The following GALNTL6 variants were observed in gnomAD, a reference collection of about 807,000 sequenced individuals.
GALNTL6 encodes polypeptide N-acetylgalactosaminyltransferase-like 6.
Under a neutral mutation model 73.7 loss-of-function variants are expected in GALNTL6, and 46 were observed. That is an observed-to-expected ratio of 0.62 (90% CI 0.49 to 0.80). GALNTL6 has a LOEUF of 0.80. GALNTL6 is among the 30% of genes least tolerant of loss of function. The pLI, the probability that GALNTL6 is intolerant of heterozygous loss-of-function variation, is 0.00. For synonymous variants in GALNTL6, 259 were observed against 263.7 expected, an observed-to-expected ratio of 0.98 and a Z score of 0.17; for missense variants, 604 against 755.0, an observed-to-expected ratio of 0.80 and a Z score of 2.34.
intron 2 of GALNTL6, among the ~76,000 whole-genome samples, chr4:171,904,549 A>G (rs1737212490): frequency 1.3e-5 from 2 of 152,190 alleles, no homozygotes; most frequent in Admixed American, 1.3e-4. Context: ...GGGAGAATGG[A>G]ACCAAGTTGG....
At chr4:171,816,056 C>T (rs1734516702) in intron 2 of GALNTL6, 1 of 152,086 alleles carries the variant, frequency 6.6e-6, no homozygotes, top group Middle Eastern at 3.2e-3. Flanking sequence ...AGAAGATGGA[C>T]ACTTTGGATG....
At chr4:171,992,280 A>T (rs1740361856) in intron 2 of GALNTL6, among the ~76,000 whole-genome samples, 2 of 151,846 alleles carry the variant, frequency 1.3e-5, no homozygotes, top group South Asian at 4.2e-4. Flanking sequence ...TCATCCTATT[A>T]TGTTCCCTAA....
chr4:172,931,230 G>A lies in GALNTL6; in HGVS notation c.1111G>A (p.Val371Ile), dbSNP rs774850813. 15 of 1,611,322 alleles carry A rather than the reference G, an allele frequency of 9.3e-6. No homozygotes were observed. The East Asian group carries it at 1.1e-4, about 12-fold the overall frequency. ...AGTTGGTCATATCTACAGGAAGTAC[G>A]TTCCATACAAAGTTCCATCTGGGAC... ...SRVGHIYRKY[V>I]PYKVPSGTSL... The change falls in exon 9 of 13, where the codon GTT becomes ATT. Residue 371 changes from valine to isoleucine, a missense_variant. Val to Ile is a conservative substitution (Grantham distance 29). Coordinates refer to ENST00000506823, the MANE Select transcript of GALNTL6 (RefSeq NM_001034845.3).
chr4:171,893,586 T>G (rs1192603350), intron 2 of GALNTL6, among the ~76,000 whole-genome samples: 1 of 152,176 alleles, frequency 6.6e-6, no homozygotes, highest in Non-Finnish European at 1.5e-5. Context: ...TGAATCAACA[T>G]TTTTATTTAT....
intron 2 of GALNTL6, among the ~76,000 whole-genome samples, chr4:171,852,712 G>A (rs1349399215): frequency 6.6e-6 from 1 of 152,068 alleles, no homozygotes; most frequent in Non-Finnish European, 1.5e-5. Flanking sequence ...TGTTAAAGTT[G>A]ATATGGATGT....
chr4:172,155,789 G>T (rs972350205), intron 2 of GALNTL6, among the ~76,000 whole-genome samples: 8 of 151,750 alleles, frequency 5.3e-5, no homozygotes, highest in African/African-American at 1.7e-4. Flanking sequence ...CTTATTTTTT[G>T]AATTCTGTAC....
intron 5 of GALNTL6, among the ~76,000 whole-genome samples, chr4:172,390,159 A>C (rs1743608996): frequency 1.3e-5 from 2 of 152,198 alleles, no homozygotes; most frequent in Admixed American, 1.3e-4. Flanking sequence ...AAATAACATA[A>C]AATATTTTAG....
chr4:172,985,816 T>C (rs1313201559), intron 10 of GALNTL6, among the ~76,000 whole-genome samples: 1 of 152,200 alleles, frequency 6.6e-6, no homozygotes, highest in African/African-American at 2.4e-5. Context: ...GAAAAATACC[T>C]CAAACATCAA....
intron 5 of GALNTL6, among the ~76,000 whole-genome samples, chr4:172,730,905 C>G (rs919947557): frequency 7.9e-5 from 12 of 152,030 alleles, no homozygotes; most frequent in African/African-American, 2.7e-4. Context: ...ATGGTGAAAC[C>G]TTGTTTCTAC....
intron 5 of GALNTL6, among the ~76,000 whole-genome samples, chr4:172,659,023 T>A (rs1017911902): frequency 6.6e-5 from 10 of 152,198 alleles, no homozygotes; most frequent in African/African-American, 2.4e-4. Flanking sequence ...TTGTGCCAGA[T>A]CTTATTGTAA....
At chr4:171,979,902 T>C (rs1245557990) in intron 2 of GALNTL6, among the ~76,000 whole-genome samples, 3 of 151,764 alleles carry the variant, frequency 2.0e-5, no homozygotes, top group African/African-American at 7.3e-5. Context: ...CTATAGAACA[T>C]CTAGATAGAG....
chr4:171,991,688 A>G (rs1191289805), intron 2 of GALNTL6, among the ~76,000 whole-genome samples: 5 of 149,474 alleles, frequency 3.3e-5, no homozygotes, highest in Non-Finnish European at 7.4e-5. Context: ...ATCTATAAGT[A>G]GACCAGAAGT....
chr4:172,541,018 A>G (rs574757108), intron 5 of GALNTL6, among the ~76,000 whole-genome samples: 9 of 152,178 alleles, frequency 5.9e-5, no homozygotes, highest in Non-Finnish European at 8.8e-5. Flanking sequence ...TCCCTCACAA[A>G]AGACAGCTTT....
intron 3 of GALNTL6, among the ~76,000 whole-genome samples, chr4:172,252,257 T>C (rs1377173524): frequency 6.6e-6 from 1 of 152,158 alleles, no homozygotes; most frequent in Non-Finnish European, 1.5e-5. Flanking sequence ...TTTTTGAGTT[T>C]AGGATAAAGT....
chr4:172,030,336 G>A (rs17057910), intron 2 of GALNTL6, among the ~76,000 whole-genome samples: 2,387 of 151,922 alleles, frequency 0.016, 47 homozygotes, highest in African/African-American at 0.051. Context: ...TGAATCCTGC[G>A]GCATGTCAAG....
chr4:171,909,308 A>T (rs1737402703), intron 2 of GALNTL6, among the ~76,000 whole-genome samples: 1 of 152,190 alleles, frequency 6.6e-6, no homozygotes, highest in Admixed American at 6.5e-5. Flanking sequence ...TTATACTTTG[A>T]AACTACTGTA....
chr4:171,898,439 C>T (rs1316588509), intron 2 of GALNTL6, among the ~76,000 whole-genome samples: 1 of 151,988 alleles, frequency 6.6e-6, no homozygotes, highest in Non-Finnish European at 1.5e-5. Context: ...AATAACTAAC[C>T]ACTAGAGACA....
intron 7 of GALNTL6, among the ~76,000 whole-genome samples, chr4:172,833,045 C>T (rs1432363112): frequency 6.6e-6 from 1 of 151,568 alleles, no homozygotes; most frequent in Non-Finnish European, 1.5e-5. Flanking sequence ...CCCCACAGAA[C>T]CATATGGTGA....
intron 2 of GALNTL6, among the ~76,000 whole-genome samples, chr4:172,177,792 T>TATATACACAC (rs1735076610): frequency 7.4e-6 from 1 of 134,274 alleles, no homozygotes; most frequent in African/African-American, 3.3e-5. Context: ...CACATGTGTA[T>TATATACACAC]ATATATACAC....
Sources: gnomAD v4.1 joint callset for allele counts (sites outside exome capture counted in the v4.1 genomes callset) on GRCh38, gnomAD v4.1.1 for gene constraint, MANE v1.5 for transcripts, NCBI Gene and HGNC (gene_info 2026-07-23, HGNC 2026-07-21) for gene names.